Variants in SRGAP2C observed in about 807,000 individuals in gnomAD.
SRGAP2C encodes the protein SLIT-ROBO Rho GTPase-activating protein 2C.
In SRGAP2C, 15 loss-of-function variants were observed where a neutral mutation model predicts 25.1. The ratio of observed to expected loss-of-function variants is 0.60; its 90% CI spans 0.40 to 0.92. SRGAP2C has a LOEUF of 0.92. Ranked by LOEUF, SRGAP2C falls within the 40% of genes least tolerant of loss-of-function variation. The probability of loss-of-function intolerance (pLI) is 0.00; values close to 1 mark genes in which losing one functional copy is unlikely to be tolerated. For synonymous variants in SRGAP2C, 44 were observed against 96.6 expected, an observed-to-expected ratio of 0.46 and a Z score of 3.19; for missense variants, 144 against 264.4, an observed-to-expected ratio of 0.54 and a Z score of 3.16.
chr1:121,335,487 A>T, intron 4 of SRGAP2C, among the ~76,000 whole-genome samples: 1 of 118,870 alleles, frequency 8.4e-6, no homozygotes, highest in South Asian at 2.8e-4. Flanking sequence ...TTTGAGATGG[A>T]GACTCACTTT....
At chr1:121,282,678 C>T (rs1410880807) in intron 2 of SRGAP2C, among the ~76,000 whole-genome samples, 1 of 151,522 alleles carries the variant, frequency 6.6e-6, no homozygotes, top group African/African-American at 2.4e-5. Context: ...CCTCAGCCTC[C>T]CCAGTAGCTG....
intron 2 of SRGAP2C, among the ~76,000 whole-genome samples, chr1:121,208,330 C>T (rs1446929047): frequency 6.6e-6 from 1 of 151,846 alleles, no homozygotes; most frequent in African/African-American, 2.4e-5. Context: ...TGCACCGCCC[C>T]AAGTTCAGGT....
chr1:121,287,753 G>A (rs1439582348), intron 3 of SRGAP2C, among the ~76,000 whole-genome samples: 7 of 152,118 alleles, frequency 4.6e-5, no homozygotes, highest in Non-Finnish European at 8.8e-5. Context: ...TGTCCCTTCT[G>A]ATGTTCAGAT....
At chr1:121,328,078 A>G (rs1171439259) in intron 4 of SRGAP2C, among the ~76,000 whole-genome samples, 1 of 152,014 alleles carries the variant, frequency 6.6e-6, no homozygotes, top group African/African-American at 2.4e-5. Flanking sequence ...ATAAGGACAA[A>G]CAAAAGTGGA....
At chr1:121,372,344 C>T (rs1335490218) in intron 5 of SRGAP2C, among the ~76,000 whole-genome samples, 1 of 151,962 alleles carries the variant, frequency 6.6e-6, no homozygotes, top group African/African-American at 2.4e-5. Flanking sequence ...TGGGGGCTGT[C>T]CTGTGCATGG....
intron 3 of SRGAP2C, among the ~76,000 whole-genome samples, chr1:121,289,346 G>A (rs1237576759): frequency 2.2e-4 from 34 of 151,238 alleles, no homozygotes; most frequent in Middle Eastern, 3.4e-3. Context: ...CCACTGGCCC[G>A]GGTGCTAAGT....
Position 121,391,314 on chromosome 1 carries a change from A to C in SRGAP2C, c.*3459A>C. The C allele has an allele frequency of 6.6e-6, 1 of 151,896 alleles. No individual in the cohort carries two copies. Among genetic ancestry groups the C allele is most frequent in the Non-Finnish European group, 1.5e-5 (1 of 67,892 alleles). The allele number at this position is 151,896 out of a possible 1,614,324, so 9.4% of individuals were successfully genotyped here. A position where few individuals can be genotyped will look rare whatever the true frequency, so the allele number is the denominator to read the frequency against. ...CCACATGCTGACAAATGTCATAAGA[A>C]GACCCTACACTTTTACCTTGGCCGA... On this transcript the variant is annotated 3_prime_UTR_variant, in exon 10 of 10. Transcript: ENST00000367123.
chr1:121,189,058 G>T, intron 2 of SRGAP2C, among the ~76,000 whole-genome samples: 1 of 82,540 alleles, frequency 1.2e-5, no homozygotes, highest in African/African-American at 5.6e-5. Context: ...CATTGCATTT[G>T]CTCTTGGAAT....
intron 2 of SRGAP2C, among the ~76,000 whole-genome samples, chr1:121,260,580 C>T (rs1460422034): frequency 2.0e-5 from 3 of 148,752 alleles, no homozygotes; most frequent in Non-Finnish European, 3.0e-5. Flanking sequence ...TACAACTTTC[C>T]ATCTTTATCG....
intron 2 of SRGAP2C, among the ~76,000 whole-genome samples, chr1:121,236,626 G>C (rs1206783181): frequency 6.6e-6 from 1 of 152,106 alleles, no homozygotes; most frequent in African/African-American, 2.4e-5. Flanking sequence ...TTACTCTGCT[G>C]CTTCCTGGGT....
chr1:121,340,802 T>C (rs1658636325), intron 4 of SRGAP2C, among the ~76,000 whole-genome samples: 1 of 149,050 alleles, frequency 6.7e-6, no homozygotes, highest in Admixed American at 6.7e-5. Context: ...TTCCATATTA[T>C]CTGATTCCAA....
At chr1:121,253,934 A>T (rs1425257843) in intron 2 of SRGAP2C, among the ~76,000 whole-genome samples, 2 of 151,622 alleles carry the variant, frequency 1.3e-5, no homozygotes, top group African/African-American at 4.8e-5. Flanking sequence ...CTCTTTTTTG[A>T]TGGAGTCTCA....
intron 2 of SRGAP2C, among the ~76,000 whole-genome samples, chr1:121,267,989 C>G (rs1656843126): frequency 6.6e-6 from 1 of 150,598 alleles, no homozygotes; most frequent in African/African-American, 2.4e-5. Context: ...AAAAACAGCT[C>G]TTGATTCATT....
intron 2 of SRGAP2C, among the ~76,000 whole-genome samples, chr1:121,202,892 G>GTTT (rs1655021387): frequency 6.9e-6 from 1 of 144,876 alleles, no homozygotes. Flanking sequence ...TTTTTTTCCG[G>GTTT]TTCTGGAGGC....
intron 2 of SRGAP2C, among the ~76,000 whole-genome samples, chr1:121,222,238 G>C (rs587745006): frequency 6.6e-6 from 1 of 152,168 alleles, no homozygotes; most frequent in Non-Finnish European, 1.5e-5. Context: ...GGATCCCAAA[G>C]TCTGCCTCTA....
chr1:121,298,404 A>G lies in SRGAP2C; in HGVS notation c.260+13409A>G, dbSNP rs1222026684. On this transcript the variant is annotated intron_variant, in intron 3 of 9. Transcript: ENST00000367123. ...AATTTTGACTTGGGCAAATAAAAGA[A>G]GGCCAGTCCTATTCAGCCTCCTGCA... Among the ~76,000 whole-genome samples the G allele has an allele frequency of 4.3e-5, 6 of 139,846 alleles. No individual in the cohort carries two copies. In the Admixed American group the frequency reaches 4.4e-4, roughly 10 times the overall value. 91.7% of individuals were successfully genotyped at this position (139,846 alleles called of 152,430 possible).
intron 4 of SRGAP2C, among the ~76,000 whole-genome samples, chr1:121,358,213 T>C (rs2101642005): frequency 6.6e-6 from 1 of 152,006 alleles, no homozygotes; most frequent in East Asian, 1.9e-4. Context: ...TGTTTAGTTC[T>C]TGTCATTATG....
In SRGAP2C at chr1:121,273,273, C is replaced by T. The variant is rs1209644271; in HGVS notation, c.68-11530C>T. ...TATAACTTTTGTGGGGACAGTTTAC[C>T]TTTCCATAAAAAAAAACTGTGGTCA... On this transcript the variant is annotated intron_variant, in intron 2 of 9. Transcript: ENST00000367123. Among the ~76,000 whole-genome samples the T allele has an allele frequency of 2.1e-5, 2 of 97,102 alleles. 1 individual carries two copies. The highest frequency in any genetic ancestry group is 1.0e-3 in the East Asian group (2 of 1,998). The allele number at this position is 97,102 out of a possible 152,430, so 63.7% of individuals were successfully genotyped here.
intron 4 of SRGAP2C, among the ~76,000 whole-genome samples, chr1:121,357,069 G>C (rs1396498106): frequency 1.4e-5 from 2 of 138,816 alleles, no homozygotes; most frequent in Admixed American, 7.3e-5. Context: ...AGCTTTGTTA[G>C]TGAGCATTCA....
Sources: gnomAD v4.1 joint callset for allele counts (sites outside exome capture counted in the v4.1 genomes callset) on GRCh38, gnomAD v4.1.1 for gene constraint, MANE v1.5 for transcripts, NCBI Gene and HGNC (gene_info 2026-07-23, HGNC 2026-07-21) for gene names.